The following PGLYRP3 variants were observed in gnomAD, a reference collection of about 807,000 sequenced individuals.
The protein encoded by PGLYRP3 is peptidoglycan recognition protein 3, also known as peptidoglycan recognition protein I alpha.
Under a neutral mutation model 36.0 loss-of-function variants are expected in PGLYRP3, and 39 were observed. The observed-to-expected ratio is 1.08, with a 90% CI of 0.84 to 1.41. The LOEUF is 1.41. Ranked by LOEUF, PGLYRP3 falls within the 40% of genes most tolerant of loss-of-function variation. The pLI, the probability that PGLYRP3 is intolerant of heterozygous loss-of-function variation, is 0.00. For synonymous variants in PGLYRP3, 204 were observed against 172.8 expected, an observed-to-expected ratio of 1.18 and a Z score of -1.42; for missense variants, 407 against 427.9, an observed-to-expected ratio of 0.95 and a Z score of 0.43.
At chr1:153,310,780 A>G (rs1659876176) in intron 1 of PGLYRP3, 74 bp from the exon 2 acceptor site, 2 of 932,272 alleles carry the variant, frequency 2.1e-6, no homozygotes, top group Non-Finnish European at 3.4e-6. Context: ...ATGTGGCACC[A>G]CTGTCTGCCT....
intron 2 of PGLYRP3, among the ~76,000 whole-genome samples, chr1:153,309,165 C>T (rs1659835485): frequency 6.6e-6 from 1 of 152,214 alleles, no homozygotes; most frequent in Non-Finnish European, 1.5e-5. Context: ...ACCAGGGGTC[C>T]TGGGAGCAGT....
In PGLYRP3 at chr1:153,299,185, G is replaced by GCCAT; in HGVS notation, c.771_774dup (p.His259MetfsTer47). On this transcript the variant is annotated frameshift_variant, in exon 7 of 8. Transcript: ENST00000683862. LOFTEE classifies it high-confidence loss of function. ...CCATAAGTGTGAGAGCCTTGGATGT[G>GCCAT]CCATCCAACCCCTTCATACACGCCA... is the stretch of plus-strand genomic sequence containing the variant. 1.2e-6 allele frequency: 2 copies of GCCAT among 1,614,016 alleles called. No homozygotes were observed. Among genetic ancestry groups the GCCAT allele is most frequent in the Non-Finnish European group, 1.7e-6 (2 of 1,179,986 alleles).
chr1:153,304,967 G>A lies in PGLYRP3; in HGVS notation c.356C>T (p.Ala119Val). Residue 119 changes from alanine (A) to valine (V), a missense_variant, in exon 4 of 8, where the codon GCC becomes GTC. By Grantham distance (64) the Ala-to-Val change is moderately conservative. Coordinates refer to ENST00000683862, the MANE Select transcript of PGLYRP3 (RefSeq NM_052891.3). ...CTTACCTATCTTATTGCCAAAGAAG[G>A]CGATGCCCAGGGAAATGTTGTTGTA... is the stretch of plus-strand genomic sequence containing the variant. ...QGYNNISLGI[A>V]FFGNKIGSSP... 1 of 1,613,674 alleles carries A rather than the reference G, an allele frequency of 6.2e-7. No individual in the cohort carries two copies. The highest frequency in any genetic ancestry group is 8.5e-7 in the Non-Finnish European group (1 of 1,179,768).
intron 6 of PGLYRP3, among the ~76,000 whole-genome samples, chr1:153,300,957 C>T (rs1196006497): frequency 6.6e-6 from 1 of 152,202 alleles, no homozygotes; most frequent in Non-Finnish European, 1.5e-5. Context: ...CTCTGTTGCT[C>T]AGGCTGAAGG....
rs202027575 is a variant in PGLYRP3 at position 153,297,581 on chromosome 1, GAAGA to G, written c.*371_*374del. The stretch of plus-strand genomic sequence containing the variant: ...AAAGAAAAAGAAAGAAAGAAAGAAA[GAAGA>G]AAGAAAGAAAGAAAGAAAGAGAAAG... On this transcript the variant is annotated 3_prime_UTR_variant, in exon 8 of 8. Transcript: ENST00000683862. Among the ~76,000 whole-genome samples, 2,496 of 46,730 alleles carry G rather than the reference GAAGA, an allele frequency of 0.053. 59 individuals are homozygous for G. The highest frequency in any genetic ancestry group is 0.067 in the Non-Finnish European group (1,087 of 16,188). The allele number at this position is 46,730 out of a possible 152,430, so 30.7% of individuals were successfully genotyped here.
chr1:153,300,831 C>T (rs995100454), intron 6 of PGLYRP3, among the ~76,000 whole-genome samples: 15 of 152,178 alleles, frequency 9.9e-5, no homozygotes, highest in African/African-American at 3.6e-4. Context: ...TTTGGATATG[C>T]CTGTGGTTCC....
chr1:153,299,511 C>A (rs747567311), intron 6 of PGLYRP3, among the ~76,000 whole-genome samples: 15 of 152,118 alleles, frequency 9.9e-5, no homozygotes, highest in Admixed American at 2.6e-4. Context: ...ACTTACTTTA[C>A]TTCTAGACTA....
intron 6 of PGLYRP3, among the ~76,000 whole-genome samples, chr1:153,300,952 T>C (rs1396388503): frequency 1.3e-5 from 2 of 152,216 alleles, no homozygotes. Flanking sequence ...TCTCACTCTG[T>C]TGCTCAGGCT....
intron 7 of PGLYRP3, among the ~76,000 whole-genome samples, chr1:153,298,451 G>A (rs1217813272): frequency 6.6e-6 from 1 of 152,030 alleles, no homozygotes; most frequent in Non-Finnish European, 1.5e-5. Flanking sequence ...TTAAGAGATC[G>A]AGATCACCCT....
chr1:153,302,496 C>T lies in PGLYRP3; in HGVS notation c.641G>A (p.Cys214Tyr). The change falls in exon 6 of 8, where the codon TGC becomes TAC. Residue 214 changes from cysteine (C) to tyrosine (Y), a missense_variant. Physicochemically the swap from Cys to Tyr is radical, Grantham distance 194. Transcript: ENST00000683862. ...AGTCTGGCAGTCTGTGGATACAGTG[C>T]AGCTTGTGCCAGCGGTGTGGATGAT... ...VIIIHTAGTS[C>Y]TVSTDCQTVV... 6.2e-7 allele frequency: 1 copy of T among 1,614,196 alleles called. No homozygotes were observed. Among genetic ancestry groups the T allele is most frequent in the East Asian group, 2.2e-5 (1 of 44,876 alleles).
At chr1:153,305,119 T>G (rs1326329897) in intron 3 of PGLYRP3, 54 bp from the exon 4 acceptor site, 1 of 1,436,442 alleles carries the variant, frequency 7.0e-7, no homozygotes, top group Non-Finnish European at 9.6e-7. Flanking sequence ...TGAAAACCTC[T>G]CACTGATCCT....
At position 153,297,546 on chromosome 1, in the gene PGLYRP3, G is replaced by GGAAGGAAA. The variant is rs879683769; in HGVS notation, c.*402_*409dup. ...AGGAAGGAAGGAAGGAAGGAAGGAAGGAAGGAAAGAAAGAAAAAGAAAGAA... is the reference window on the plus strand; with the variant it reads ...AGGAAGGAAGGAAGGAAGGAAGGAAGGAAGGAAAGAAGGAAAGAAAGAAAAAGAAAGAA... On this transcript the variant is annotated 3_prime_UTR_variant, in exon 8 of 8. Coordinates refer to ENST00000683862, the MANE Select transcript of PGLYRP3 (RefSeq NM_052891.3). Among the ~76,000 whole-genome samples, 1 of 92,222 alleles carries GGAAGGAAA rather than the reference G, an allele frequency of 1.1e-5. No homozygotes were observed. The highest frequency in any genetic ancestry group is 4.9e-5 in the African/African-American group (1 of 20,256). 60.5% of individuals were successfully genotyped at this position (92,222 alleles called of 152,430 possible).
chr1:153,302,834 C>T (rs539742005), intron 5 of PGLYRP3, among the ~76,000 whole-genome samples: 1 of 152,166 alleles, frequency 6.6e-6, no homozygotes, highest in Non-Finnish European at 1.5e-5. Context: ...AGGCCTGATA[C>T]CAATAGAAAT....
chr1:153,310,837 T>A (rs41264636), intron 1 of PGLYRP3, 131 bp from the exon 2 acceptor site: 11,860 of 618,360 alleles, frequency 0.019, 155 homozygotes, highest in Non-Finnish European at 0.026. Context: ...TGGCTCAGGC[T>A]TCTCGGGGCC....
chr1:153,302,331 A>G, intron 6 of PGLYRP3, 78 bp downstream of exon 6: 3 of 1,494,476 alleles, frequency 2.0e-6, no homozygotes, highest in Non-Finnish European at 1.8e-6. Context: ...GGCTCAGGAA[A>G]CATCAGTTCC....
intron 2 of PGLYRP3, among the ~76,000 whole-genome samples, chr1:153,307,603 C>T (rs868092991): frequency 6.6e-6 from 1 of 152,196 alleles, no homozygotes; most frequent in African/African-American, 2.4e-5. Flanking sequence ...CCGCCGCCCA[C>T]CCTGGGGCTC....
At chr1:153,301,976 A>G (rs1659608215) in intron 6 of PGLYRP3, among the ~76,000 whole-genome samples, 1 of 152,246 alleles carries the variant, frequency 6.6e-6, no homozygotes, top group South Asian at 2.1e-4. Flanking sequence ...TCCTACATCT[A>G]TAAAATGAGG....
chr1:153,308,872 C>T (rs1659823564), intron 2 of PGLYRP3, among the ~76,000 whole-genome samples: 1 of 152,190 alleles, frequency 6.6e-6, no homozygotes, highest in East Asian at 1.9e-4. Context: ...AGGAGCACTG[C>T]AGTCTCACCT....
rs1358747975 is a variant in PGLYRP3 at position 153,303,996 on chromosome 1, G to A, written c.390C>T (p.Ser130=). The A allele has an allele frequency of 5.0e-6, 8 of 1,612,754 alleles. No homozygotes were observed. The highest frequency in any genetic ancestry group is 6.8e-6 in the Non-Finnish European group (8 of 1,179,156). The part of the protein sequence containing the change: ...FFGNKIGSSP[S]PAALSAAEGL... ...CCTCTGCAGCTGATAAGGCAGCAGGGCTGGGACTGCTGCCTTAAAGAGGAG... is the reference window on the plus strand; with the variant it reads ...CCTCTGCAGCTGATAAGGCAGCAGGACTGGGACTGCTGCCTTAAAGAGGAG... The change falls in exon 5 of 8, where the codon AGC becomes AGT. Residue 130 remains serine, a synonymous_variant. Coordinates refer to ENST00000683862, the MANE Select transcript of PGLYRP3 (RefSeq NM_052891.3).
Sources: allele counts gnomAD v4.1 joint callset (sites outside exome capture counted in the v4.1 genomes callset), GRCh38; gene constraint gnomAD v4.1.1; transcripts MANE v1.5; gene names NCBI Gene and HGNC (gene_info 2026-07-23, HGNC 2026-07-21).